Variants in CSMD2 observed in about 807,000 individuals in gnomAD.
The protein encoded by CSMD2 is CUB and Sushi multiple domains 2, also known as CUB and sushi domain-containing protein 2.
Under a neutral mutation model 398.5 loss-of-function variants are expected in CSMD2, and 130 were observed. The observed-to-expected ratio is 0.33, with a 90% CI of 0.28 to 0.38. The LOEUF is 0.38. Ranked by LOEUF, CSMD2 falls within the 10% of genes least tolerant of loss-of-function variation. The pLI, the probability that CSMD2 is intolerant of heterozygous loss-of-function variation, is 1.00. For synonymous variants in CSMD2, 1,828 were observed against 1,908.5 expected (o/e 0.96, Z 1.10); for missense variants, 3,829 against 4,764.9 (o/e 0.80, Z 5.78).
At chr1:33,908,250 G>A (rs1643236279) in intron 5 of CSMD2, among the ~76,000 whole-genome samples, 1 of 152,144 alleles carries the variant, frequency 6.6e-6, no homozygotes, top group Non-Finnish European at 1.5e-5. Context: ...AGAGTGAGTG[G>A]AACAAACATT....
At chr1:33,912,373 C>T (rs369379891) in intron 5 of CSMD2, among the ~76,000 whole-genome samples, 2 of 151,808 alleles carry the variant, frequency 1.3e-5, no homozygotes, top group East Asian at 1.9e-4. Context: ...AGAAATCCCA[C>T]GGGTGGAAAG....
At chr1:33,749,700 C>T (rs1435684523) in intron 13 of CSMD2, among the ~76,000 whole-genome samples, 1 of 152,040 alleles carries the variant, frequency 6.6e-6, no homozygotes, top group Non-Finnish European at 1.5e-5. Flanking sequence ...GCTATAATAA[C>T]ACTAAGGTGA....
At chr1:34,111,864 C>A (rs1052849199) in intron 1 of CSMD2, among the ~76,000 whole-genome samples, 2 of 152,044 alleles carry the variant, frequency 1.3e-5, no homozygotes, top group Non-Finnish European at 2.9e-5. Context: ...AGCTAAGAAG[C>A]TTTTCTCAAC....
intron 3 of CSMD2, among the ~76,000 whole-genome samples, chr1:33,980,450 C>T (rs1042541468): frequency 2.6e-5 from 4 of 152,174 alleles, no homozygotes; most frequent in Admixed American, 1.3e-4. Flanking sequence ...TCTTCTGACT[C>T]CCTGGAGAGA....
chr1:33,719,148 T>G (rs895107471), intron 19 of CSMD2, among the ~76,000 whole-genome samples: 1 of 152,190 alleles, frequency 6.6e-6, no homozygotes, highest in Non-Finnish European at 1.5e-5. Flanking sequence ...TGAAAAGGCT[T>G]GTGGGTGCAT....
chr1:34,016,397 A>G (rs1037391380), intron 3 of CSMD2, among the ~76,000 whole-genome samples: 1 of 151,990 alleles, frequency 6.6e-6, no homozygotes, highest in African/African-American at 2.4e-5. Flanking sequence ...GAGTGAGAAC[A>G]TGCGGTGTTG....
intron 12 of CSMD2, among the ~76,000 whole-genome samples, chr1:33,779,957 T>C (rs2149346711): frequency 6.6e-6 from 1 of 151,884 alleles, no homozygotes; most frequent in East Asian, 1.9e-4. Context: ...AAAGGAGAAA[T>C]GGAGGACAAC....
intron 1 of CSMD2, among the ~76,000 whole-genome samples, chr1:34,159,240 A>G (rs934736725): frequency 6.6e-6 from 1 of 152,168 alleles, no homozygotes; most frequent in African/African-American, 2.4e-5. Flanking sequence ...CTGACAACAA[A>G]GGAAATGTGA....
chr1:33,895,450 T>C (rs1036892536), intron 5 of CSMD2, among the ~76,000 whole-genome samples: 12 of 152,048 alleles, frequency 7.9e-5, no homozygotes, highest in African/African-American at 2.9e-4. Context: ...CCAAAATTGG[T>C]AGTAGAGCGG....
At chr1:33,902,345 GA>G (rs1223577520) in intron 5 of CSMD2, among the ~76,000 whole-genome samples, 1 of 152,096 alleles carries the variant, frequency 6.6e-6, no homozygotes, top group African/African-American at 2.4e-5. Context: ...TCTATTTCCA[GA>G]AAGACAATCA....
intron 21 of CSMD2, among the ~76,000 whole-genome samples, chr1:33,711,136 C>T (rs1645973559): frequency 6.6e-6 from 1 of 152,052 alleles, no homozygotes; most frequent in South Asian, 2.1e-4. Flanking sequence ...TAGACGTTTC[C>T]AGCATGTGTA....
intron 25 of CSMD2, among the ~76,000 whole-genome samples, chr1:33,689,226 T>A (rs1645156549): frequency 1.3e-5 from 2 of 152,018 alleles, no homozygotes; most frequent in South Asian, 4.2e-4. Context: ...GGTGGGAGAA[T>A]GAGGAAGGGA....
chr1:33,897,432 G>A (rs2125226495), intron 5 of CSMD2, among the ~76,000 whole-genome samples: 1 of 152,292 alleles, frequency 6.6e-6, no homozygotes, highest in South Asian at 2.1e-4. Flanking sequence ...ACTTTCTGTT[G>A]AACTTTCTGG....
intron 3 of CSMD2, among the ~76,000 whole-genome samples, chr1:33,962,685 C>T (rs1346370755): frequency 6.6e-6 from 1 of 152,138 alleles, no homozygotes; most frequent in East Asian, 1.9e-4. Context: ...GACCTTTGTA[C>T]TTGCAGCTCC....
intron 14 of CSMD2, among the ~76,000 whole-genome samples, chr1:33,740,411 T>A (rs1647020938): frequency 6.6e-6 from 1 of 152,030 alleles, no homozygotes; most frequent in Non-Finnish European, 1.5e-5. Flanking sequence ...GAAAAAAAAA[T>A]TTCTTGGCCT....
At chr1:33,696,793 G>T (rs544820556) in intron 24 of CSMD2, among the ~76,000 whole-genome samples, 14 of 152,164 alleles carry the variant, frequency 9.2e-5, no homozygotes, top group Admixed American at 6.6e-4. Flanking sequence ...ACAACATTGA[G>T]AACATGTAAG....
intron 1 of CSMD2, among the ~76,000 whole-genome samples, chr1:34,106,497 G>C (rs578225836): frequency 1.6e-4 from 25 of 152,252 alleles, no homozygotes; most frequent in African/African-American, 6.0e-4. Flanking sequence ...ACCCAGATCT[G>C]TACAAAAGCA....
At chr1:34,115,471 A>G (rs1232323781) in intron 1 of CSMD2, among the ~76,000 whole-genome samples, 1 of 152,154 alleles carries the variant, frequency 6.6e-6, no homozygotes, top group Non-Finnish European at 1.5e-5. Flanking sequence ...AAAAGAAACC[A>G]TGCCAACCAA....
chr1:33,619,822 A>T (rs1187059624), intron 37 of CSMD2, among the ~76,000 whole-genome samples: 3 of 152,040 alleles, frequency 2.0e-5, no homozygotes, highest in East Asian at 1.9e-4. Context: ...GACAAGCATT[A>T]AAAAAAACCC....
Sources: gnomAD v4.1 joint callset for allele counts (sites outside exome capture counted in the v4.1 genomes callset) on GRCh38, gnomAD v4.1.1 for gene constraint, MANE v1.5 for transcripts, NCBI Gene and HGNC (gene_info 2026-07-23, HGNC 2026-07-21) for gene names.